TBL1XR1: variants seen among roughly 807,000 people sequenced by gnomAD.
TBL1XR1 encodes TBL1X/Y related 1.
In TBL1XR1, 5 loss-of-function variants were observed where a neutral mutation model predicts 66.9. That is an observed-to-expected ratio of 0.07 (90% CI 0.04 to 0.16). The LOEUF (loss-of-function observed/expected upper bound fraction) is 0.16, where lower values mean the gene tolerates loss of function less well. Ranked by LOEUF, TBL1XR1 falls within the 10% of genes least tolerant of loss-of-function variation. The pLI, the probability that TBL1XR1 is intolerant of heterozygous loss-of-function variation, is 1.00. For synonymous variants in TBL1XR1, 210 were observed against 206.0 expected (o/e 1.02, Z -0.17); for missense variants, 238 against 623.2 (o/e 0.38, Z 6.58).
At chr3:177,174,419 A>AAAG (rs1270199582) in intron 1 of TBL1XR1, among the ~76,000 whole-genome samples, 1 of 146,472 alleles carries the variant, frequency 6.8e-6, no homozygotes, top group African/African-American at 2.7e-5. Flanking sequence ...AAAAAAAAAA[A>AAAG]AAAAAAAAAA....
chr3:177,125,941 T>G (rs1323111366), intron 1 of TBL1XR1: 1 of 152,206 alleles, frequency 6.6e-6, no homozygotes, highest in Non-Finnish European at 1.5e-5. Context: ...TGTTTTTAAT[T>G]TTTTGGAGTA....
At chr3:177,174,105 C>T (rs1733876953) in intron 1 of TBL1XR1, among the ~76,000 whole-genome samples, 1 of 152,070 alleles carries the variant, frequency 6.6e-6, no homozygotes, top group Non-Finnish European at 1.5e-5. Flanking sequence ...ATTTATTTAT[C>T]CCTTGGTTAA....
chr3:177,069,885 G>A (rs754160160), intron 2 of TBL1XR1, among the ~76,000 whole-genome samples: 1 of 150,498 alleles, frequency 6.6e-6, no homozygotes, highest in Non-Finnish European at 1.5e-5. Flanking sequence ...TTATTCATTA[G>A]TTAACTGAGA....
intron 1 of TBL1XR1, among the ~76,000 whole-genome samples, chr3:177,170,039 C>G (rs1733275494): frequency 6.6e-6 from 1 of 152,178 alleles, no homozygotes; most frequent in Admixed American, 6.5e-5. Context: ...TTCTGATGCA[C>G]ACAAATCTGA....
At chr3:177,127,369 A>G (rs1173068690) in intron 1 of TBL1XR1, among the ~76,000 whole-genome samples, 1 of 152,214 alleles carries the variant, frequency 6.6e-6, no homozygotes, top group African/African-American at 2.4e-5. Flanking sequence ...TCCTTCTACT[A>G]TCCTTTCATC....
intron 1 of TBL1XR1, among the ~76,000 whole-genome samples, chr3:177,188,121 G>C (rs955123088): frequency 3.3e-5 from 5 of 151,746 alleles, no homozygotes; most frequent in Non-Finnish European, 5.9e-5. Context: ...TAGTAGAGAC[G>C]GGGTTTTACC....
intron 1 of TBL1XR1, among the ~76,000 whole-genome samples, chr3:177,175,318 A>G (rs1244579643): frequency 6.6e-6 from 1 of 152,228 alleles, no homozygotes; most frequent in Non-Finnish European, 1.5e-5. Flanking sequence ...AAAGGAAAAA[A>G]AATCATTCTC....
chr3:177,045,491 G>A (rs761031362), intron 10 of TBL1XR1, among the ~76,000 whole-genome samples: 16 of 152,070 alleles, frequency 1.1e-4, no homozygotes, highest in African/African-American at 2.7e-4. Flanking sequence ...CATGAAGGAC[G>A]GAGCACTATT....
intron 1 of TBL1XR1, among the ~76,000 whole-genome samples, chr3:177,111,107 G>A (rs1725499669): frequency 1.3e-5 from 2 of 151,994 alleles, no homozygotes; most frequent in Admixed American, 1.3e-4. Context: ...ACAACAGGAG[G>A]ACATGCAATC....
upstream of TBL1XR1, among the ~76,000 whole-genome samples, chr3:177,200,358 A>G (rs1418297169): frequency 6.6e-6 from 1 of 152,208 alleles, no homozygotes; most frequent in Non-Finnish European, 1.5e-5. Context: ...GGGGTTTTAA[A>G]TCAGATCATA....
At position 177,129,230 on chromosome 3, in the gene TBL1XR1, G is replaced by C. The variant is rs559513431; in HGVS notation, c.-121-30689C>G. 3.9e-5 allele frequency among the ~76,000 whole-genome samples: 6 copies of C among 152,210 alleles called. No homozygotes were observed. In the South Asian group the frequency reaches 1.0e-3, roughly 26 times the overall value. On this transcript the variant is annotated intron_variant, in intron 1 of 15. Transcript: ENST00000457928. ...ATATGCAAAATCAAAAGCAGGACTAGATGAAGAAAACAATTACAACTCATA... is the reference window on the plus strand; with the variant it reads ...ATATGCAAAATCAAAAGCAGGACTACATGAAGAAAACAATTACAACTCATA...
chr3:177,146,121 G>A (rs556436242), intron 1 of TBL1XR1, among the ~76,000 whole-genome samples: 2 of 152,280 alleles, frequency 1.3e-5, no homozygotes, highest in Admixed American at 6.5e-5. Flanking sequence ...GTATTCATAT[G>A]TGATCTGCTT....
At chr3:177,030,271 TAATA>T (rs1327614510) in intron 14 of TBL1XR1, among the ~76,000 whole-genome samples, 1 of 151,814 alleles carries the variant, frequency 6.6e-6, no homozygotes, top group Non-Finnish European at 1.5e-5. Flanking sequence ...ATTTGAAAAT[TAATA>T]TATTCATATT....
intron 1 of TBL1XR1, among the ~76,000 whole-genome samples, chr3:177,123,622 T>C (rs1287195738): frequency 6.6e-6 from 1 of 152,058 alleles, no homozygotes; most frequent in Non-Finnish European, 1.5e-5. Flanking sequence ...TTCAGAGCAT[T>C]ATAGCTAAAA....
chr3:177,124,922 T>C (rs1160831607), intron 1 of TBL1XR1, among the ~76,000 whole-genome samples: 2 of 151,570 alleles, frequency 1.3e-5, no homozygotes, highest in Non-Finnish European at 2.9e-5. Context: ...ATATAAAAAA[T>C]TATCACAAAC....
chr3:177,043,591 G>A (rs1363396657), intron 10 of TBL1XR1, among the ~76,000 whole-genome samples: 1 of 151,934 alleles, frequency 6.6e-6, no homozygotes, highest in East Asian at 1.9e-4. Context: ...TGATATTTTT[G>A]TATTTGAAGT....
At chr3:177,137,695 G>T (rs1729158365) in intron 1 of TBL1XR1, among the ~76,000 whole-genome samples, 1 of 151,776 alleles carries the variant, frequency 6.6e-6, no homozygotes, top group South Asian at 2.1e-4. Flanking sequence ...AAAGGCCAGG[G>T]TCCTCGGCTC....
Position 177,038,143 on chromosome 3 carries a change from T to A in TBL1XR1, c.1077A>T (p.Pro359=). Residue 359 remains proline, a synonymous_variant, in exon 12 of 16, where the codon CCA becomes CCT. Transcript: ENST00000457928. ...AACAGGAGGCCAAGAGATTGCCAGT[T>A]GGGTCCCATTTGATAGCATTTACTT... ...TNEVNAIKWD[P]TGNLLASCSD... 6.2e-7 allele frequency: 1 copy of A among 1,613,354 alleles called. No individual in the cohort carries two copies. The highest frequency in any genetic ancestry group is 1.1e-5 in the South Asian group (1 of 91,054).
At position 177,156,590 on chromosome 3, in the gene TBL1XR1, TAA is replaced by T. The variant is rs1491170591; in HGVS notation, c.-122+40529_-122+40530del. Among the ~76,000 whole-genome samples, 770 of 149,462 alleles carry T rather than the reference TAA, an allele frequency of 5.2e-3. 2 individuals carry two copies. Among genetic ancestry groups the T allele is most frequent in the Middle Eastern group, 0.014 (4 of 286 alleles). On this transcript the variant is annotated intron_variant, in intron 1 of 15. Transcript: ENST00000457928. ...ACACATACATTTATATATATATATA[TAA>T]AATTCTGACAAAACACTTGTGTCTG...
Sources: allele counts gnomAD v4.1 joint callset (sites outside exome capture counted in the v4.1 genomes callset), GRCh38; gene constraint gnomAD v4.1.1; transcripts MANE v1.5; gene names NCBI Gene and HGNC (gene_info 2026-07-23, HGNC 2026-07-21).